Variants in DNAH10 observed in about 807,000 individuals in gnomAD.
DNAH10 encodes axonemal beta dynein heavy chain 10.
DNAH10 carries 348 observed loss-of-function variants against 506.6 expected under a neutral mutation model. The ratio of observed to expected loss-of-function variants is 0.69; its 90% confidence interval spans 0.63 to 0.75. DNAH10 has a LOEUF of 0.75. DNAH10 is among the 30% of genes least tolerant of loss of function. DNAH10 has a pLI of 0.00. For synonymous variants in DNAH10, 2,059 were observed against 2,198.6 expected, an observed-to-expected ratio of 0.94 and a Z score of 1.78; for missense variants, 5,179 against 5,787.1, an observed-to-expected ratio of 0.89 and a Z score of 3.41.
At chr12:123,878,044 A>G (rs750774727) in intron 48 of DNAH10, 136 bp downstream of exon 48, 66 of 1,223,280 alleles carry the variant, frequency 5.4e-5, no homozygotes, top group Non-Finnish European at 6.7e-5. Context: ...CTTATGTTGA[A>G]GAAGAGAGAC....
At chr12:123,880,041 G>A (rs1443572886) in intron 50 of DNAH10, among the ~76,000 whole-genome samples, 1 of 152,174 alleles carries the variant, frequency 6.6e-6, no homozygotes, top group African/African-American at 2.4e-5. Flanking sequence ...CCCATGGAGG[G>A]TCCCCAGATT....
chr12:123,820,634 G>A lies in DNAH10; in HGVS notation c.4055G>A (p.Arg1352His), dbSNP rs374838524. The change falls in exon 24 of 79, where the codon CGT becomes CAT. Residue 1352 changes from arginine (R) to histidine (H), a missense_variant. Arg to His is a conservative substitution (Grantham distance 29, BLOSUM62 0). Around this residue, in one of 3 missense-constraint regions of DNAH10, gnomAD observed 4,844 missense variants for 5,430.5 expected, o/e 0.89. Coordinates refer to ENST00000673944, the MANE Select transcript of DNAH10 (RefSeq NM_001372106.1). ...GAGCTGGCAAGACATGAAAAGAGCC[G>A]TCAGGAACTGGCTAACGCTGAGAAA... ...ERELARHEKS[R>H]QELANAEKLF... 23 of 1,613,884 alleles carry A rather than the reference G, an allele frequency of 1.4e-5. No individual in the cohort carries two copies. The highest frequency in any genetic ancestry group is 6.7e-5 in the African/African-American group (5 of 74,932).
At position 123,877,756 on chromosome 12, in the gene DNAH10, G is replaced by A; in HGVS notation, c.8220G>A (p.Val2740=). 2 of 1,613,610 alleles carry A rather than the reference G, an allele frequency of 1.2e-6. No individual in the cohort carries two copies. The highest frequency in any genetic ancestry group is 8.5e-7 in the Non-Finnish European group (1 of 1,179,780). Residue 2740 remains valine, a synonymous_variant, in exon 48 of 79, where the codon GTG becomes GTA. Coordinates refer to ENST00000673944, the MANE Select transcript of DNAH10 (RefSeq NM_001372106.1). ...TTCAGACGTTTCATGAGAGCATTGT[G>A]GCTGTGAGTGGCAAGCTGACATTCT... ...GHTSTFHESI[V]AVSGKLTFCT...
At chr12:123,801,520 A>G (rs1268679186) in intron 16 of DNAH10, 88 bp downstream of exon 16, 5 of 1,480,484 alleles carry the variant, frequency 3.4e-6, no homozygotes, top group African/African-American at 2.8e-5. Context: ...CCATTTTCAT[A>G]TGTTTATAGA....
intron 12 of DNAH10, among the ~76,000 whole-genome samples, chr12:123,795,162 A>AAAT (rs1958232060): frequency 6.6e-6 from 1 of 150,800 alleles, no homozygotes; most frequent in African/African-American, 2.4e-5. Flanking sequence ...AAAAAAAAAA[A>AAAT]GAAAAAAGAA....
At chr12:123,771,006 G>T (rs1460658536) in intron 2 of DNAH10, among the ~76,000 whole-genome samples, 1 of 126,626 alleles carries the variant, frequency 7.9e-6, no homozygotes, top group Non-Finnish European at 1.6e-5. Context: ...ATGGAGTCTC[G>T]CTCTGCCACC....
At chr12:123,766,458 A>C (rs376277399) in intron 1 of DNAH10, among the ~76,000 whole-genome samples, 1 of 152,218 alleles carries the variant, frequency 6.6e-6, no homozygotes, top group East Asian at 1.9e-4. Context: ...TCCCCCCACC[A>C]CATGTTTTGG....
chr12:123,823,375 G>T lies in DNAH10; in HGVS notation c.4179+2617G>T, dbSNP rs540898453. On this transcript the variant is annotated intron_variant, in intron 24 of 78. Transcript: ENST00000673944. ...GGCAGCCGGGGGATTGCAGGCAGGG[G>T]GTCCTTTAGGAGGTCACTGCCCCAG... 3.3e-5 allele frequency among the ~76,000 whole-genome samples: 5 copies of T among 152,270 alleles called. No homozygotes were observed. The East Asian group carries it at 9.7e-4, about 29-fold the overall frequency.
At chr12:123,817,695 C>T (rs960992185) in intron 21 of DNAH10, among the ~76,000 whole-genome samples, 12 of 152,048 alleles carry the variant, frequency 7.9e-5, no homozygotes, top group East Asian at 1.9e-4. Context: ...TAAGTTCTTT[C>T]GTGTCTTTAT....
intron 52 of DNAH10, among the ~76,000 whole-genome samples, chr12:123,891,178 A>G (rs74560309): frequency 0.13 from 19,298 of 152,036 alleles, 2,147 homozygotes; most frequent in African/African-American, 0.3. Flanking sequence ...ACAGAACTCC[A>G]GTCCCTGTCT....
In DNAH10 at chr12:123,886,667, T is replaced by A. The variant is rs1277137461; in HGVS notation, c.8824-475T>A. On this transcript the variant is annotated intron_variant, in intron 51 of 78. Coordinates refer to ENST00000673944, the MANE Select transcript of DNAH10 (RefSeq NM_001372106.1). ...GAACAGAGAGAGATCTCTCAGTTCC[T>A]GGAAATCTGCCATGTTTCTGACAGT... Among the ~76,000 whole-genome samples the A allele has an allele frequency of 2.1e-4, 31 of 150,536 alleles. No individual in the cohort carries two copies. The East Asian group carries it at 3.3e-3, about 16-fold the overall frequency.
rs777969607 is a variant in DNAH10 at position 123,838,573 on chromosome 12, G to A, written c.5020G>A (p.Asp1674Asn). Residue 1674 changes from aspartate to asparagine, a missense_variant, in exon 29 of 79, where the codon GAC becomes AAC. This residue lies in a region of DNAH10 where 4,844 missense variants were observed against 5,430.5 expected (regional missense o/e 0.89). Transcript: ENST00000673944. ...GLEKCQKSLN[D>N]YLDSKRNAFP... is the part of the protein sequence containing the mutation. ...GGAGAAATGCCAGAAAAGCCTCAACGACTACTTAGATTCGAAGAGAAATGC... is the reference window on the plus strand; with the variant it reads ...GGAGAAATGCCAGAAAAGCCTCAACAACTACTTAGATTCGAAGAGAAATGC... 6.8e-6 allele frequency: 11 copies of A among 1,613,908 alleles called. No homozygotes were observed. The highest frequency in any genetic ancestry group is 1.6e-4 in the Middle Eastern group (1 of 6,084).
rs1225749498 is a variant in DNAH10 at position 123,841,420 on chromosome 12, T to G, written c.5235T>G (p.Phe1745Leu). ...CAGCAGAAGGAGAAGTCATGGAGTT[T>G]CGGAAGATCTTGCGGGCTGAAGGGC... ...MISAEGEVME[F>L]RKILRAEGRV... The change falls in exon 30 of 79, where the codon TTT (phenylalanine) becomes TTG (leucine). Residue 1745 changes from phenylalanine (F) to leucine (L), a missense_variant. Physicochemically the swap from Phe to Leu is conservative, Grantham distance 22 (BLOSUM62 0). Coordinates refer to ENST00000673944, the MANE Select transcript of DNAH10 (RefSeq NM_001372106.1). 2 of 1,613,946 alleles carry G rather than the reference T, an allele frequency of 1.2e-6. No individual in the cohort carries two copies. Among genetic ancestry groups the G allele is most frequent in the East Asian group, 2.2e-5 (1 of 44,878 alleles).
rs771868851 is a variant in DNAH10, at chr12:123,841,533, A to G, written c.5348A>G (p.Glu1783Gly). The change falls in exon 30 of 79, where the codon GAA becomes GGA. Residue 1783 changes from glutamate to glycine, a missense_variant. Around this residue, in one of 3 missense-constraint regions of DNAH10, gnomAD observed 4,844 missense variants for 5,430.5 expected, o/e 0.89. Transcript: ENST00000673944. ...AAAGAGGCTATTTTTAGATACTGTG[A>G]AGACAGAAGCAGGTAAGGCTGCGAA... ...ITKEAIFRYC[E>G]DRSRVDWMLL... The G allele has an allele frequency of 6.2e-7, 1 of 1,613,926 alleles. No homozygotes were observed. Among genetic ancestry groups the G allele is most frequent in the Admixed American group, 1.7e-5 (1 of 60,024 alleles).
rs142101678 is a variant in DNAH10, at chr12:123,883,418, G to A, written c.8823+1605G>A. 2.3e-3 allele frequency among the ~76,000 whole-genome samples: 356 copies of A among 152,292 alleles called. 1 individual carries two copies. Among genetic ancestry groups the A allele is most frequent in the Middle Eastern group, 6.8e-3 (2 of 294 alleles). On this transcript the variant is annotated intron_variant, in intron 51 of 78. Coordinates refer to ENST00000673944, the MANE Select transcript of DNAH10 (RefSeq NM_001372106.1). ...GTAACTCACCTGCAAGGGGCCTCTC[G>A]AAGTGGAGCAGACACTATGCATTGA...
chr12:123,925,111 C>T lies in DNAH10; in HGVS notation c.11828C>T (p.Thr3943Ile). The change falls in exon 68 of 79, where the codon ACC (threonine) becomes ATC (isoleucine). Residue 3943 changes from threonine (T) to isoleucine (I), a missense_variant. By Grantham distance (89) the Thr-to-Ile change is moderately conservative (BLOSUM62 -1). Transcript: ENST00000673944. The surrounding 1 kb of genome is among the most constrained non-coding windows in gnomAD (Gnocchi z 4.0). ...PVPLGYDNNITPFQKLLILRC... is the reference protein window; with the variant it reads ...PVPLGYDNNIIPFQKLLILRC... ...CCCTTGGGTTACGATAACAACATCA[C>T]CCCTTTCCAGAAGTTGCTTATTTTG... 1 of 1,614,036 alleles carries T rather than the reference C, an allele frequency of 6.2e-7. No individual in the cohort carries two copies. The highest frequency in any genetic ancestry group is 8.5e-7 in the Non-Finnish European group (1 of 1,179,888).
chr12:123,813,870 C>A lies in DNAH10; in HGVS notation c.3738C>A (p.Asp1246Glu). ...TAGTCATGGAACTCAGATATAGGGA[C>A]GTCCAGGAGCGATACCGTACCATGG... Reference protein sequence around the residue: ...KSLVMELRYRDVQERYRTMAM... With the variant: ...KSLVMELRYREVQERYRTMAM... The change falls in exon 21 of 79, where the codon GAC (aspartate) becomes GAA (glutamate). Residue 1246 changes from aspartate (D) to glutamate (E), a missense_variant. Coordinates refer to ENST00000673944, the MANE Select transcript of DNAH10 (RefSeq NM_001372106.1). 1 of 1,610,544 alleles carries A rather than the reference C, an allele frequency of 6.2e-7. No individual in the cohort carries two copies. The highest frequency in any genetic ancestry group is 8.5e-7 in the Non-Finnish European group (1 of 1,179,196).
At chr12:123,929,579 T>C in intron 71 of DNAH10, 85 bp from the exon 72 acceptor site, 1 of 1,570,508 alleles carries the variant, frequency 6.4e-7, no homozygotes, top group South Asian at 1.2e-5. Flanking sequence ...GGTTGCACCG[T>C]TCCCAGCAGC....
In DNAH10 at chr12:123,916,882, C is replaced by A; in HGVS notation, c.11002+146C>A. The A allele has an allele frequency of 2.0e-6, 2 of 1,020,188 alleles. No homozygotes were observed. Among genetic ancestry groups the A allele is most frequent in the South Asian group, 1.8e-5 (1 of 56,552 alleles). 63.2% of individuals were successfully genotyped at this position (1,020,188 alleles called of 1,614,324 possible). Reference sequence around the variant, plus strand: ...CACATCTGGACTAGTCAGCTCTTACCAATTAGGTACCACTTAGAAGGTGTG... The same window carrying A: ...CACATCTGGACTAGTCAGCTCTTACAAATTAGGTACCACTTAGAAGGTGTG... On this transcript the variant is annotated intron_variant, in intron 63 of 78. Transcript: ENST00000673944. This position sits in a 1 kb window ranked among gnomAD's most constrained non-coding sequence, Gnocchi z 4.6.
Sources: allele counts gnomAD v4.1 joint callset (sites outside exome capture counted in the v4.1 genomes callset), GRCh38; gene constraint gnomAD v4.1.1; regional missense constraint gnomAD v4.1.1; non-coding constraint Gnocchi (gnomAD v3.1); transcripts MANE v1.5; gene names NCBI Gene and HGNC (gene_info 2026-07-23, HGNC 2026-07-21).